CEP128: variants seen among roughly 807,000 people sequenced by gnomAD.
CEP128 encodes the protein centrosomal protein 128.
CEP128 carries 132 observed loss-of-function variants against 156.7 expected under a neutral mutation model. The observed-to-expected ratio is 0.84, with a 90% CI of 0.73 to 0.97. CEP128 has a LOEUF of 0.97. CEP128 is among the 50% of genes least tolerant of loss of function. CEP128 has a pLI of 0.00. For synonymous variants in CEP128, 469 were observed against 448.9 expected (o/e 1.04, Z -0.57); for missense variants, 1,252 against 1,281.9 (o/e 0.98, Z 0.36).
intron 20 of CEP128, among the ~76,000 whole-genome samples, chr14:80,576,414 C>A (rs560669887): frequency 1.3e-5 from 2 of 152,258 alleles, no homozygotes; most frequent in South Asian, 4.2e-4. Context: ...GAATGTCACA[C>A]ACACACAAAA....
chr14:80,718,918 T>G (rs1259675673), intron 19 of CEP128, among the ~76,000 whole-genome samples: 1 of 152,218 alleles, frequency 6.6e-6, no homozygotes, highest in African/African-American at 2.4e-5. Flanking sequence ...GACAGTTTTC[T>G]CTTCTTCACA....
intron 19 of CEP128, among the ~76,000 whole-genome samples, chr14:80,623,261 A>AAAAT (rs1322900781): frequency 6.7e-6 from 1 of 149,528 alleles, no homozygotes; most frequent in Non-Finnish European, 1.5e-5. Context: ...TTGAACAATG[A>AAAAT]GAACACATGG....
At chr14:80,829,948 T>G (rs1490888755) in intron 13 of CEP128, among the ~76,000 whole-genome samples, 1 of 152,090 alleles carries the variant, frequency 6.6e-6, no homozygotes, top group Non-Finnish European at 1.5e-5. Flanking sequence ...AGAAACAATG[T>G]GAAGGAAGGA....
chr14:80,488,953 G>T (rs1887234493), downstream of CEP128, among the ~76,000 whole-genome samples: 1 of 144,386 alleles, frequency 6.9e-6, no homozygotes, highest in Non-Finnish European at 1.5e-5. Flanking sequence ...ATGGACACAG[G>T]AAGGGGAACA....
intron 19 of CEP128, among the ~76,000 whole-genome samples, chr14:80,642,175 C>T (rs1475153568): frequency 6.6e-6 from 1 of 151,544 alleles, no homozygotes; most frequent in East Asian, 1.9e-4. Flanking sequence ...GACATTTCAG[C>T]AGTAGTTACA....
At chr14:80,688,820 A>T (rs1444859232) in intron 19 of CEP128, among the ~76,000 whole-genome samples, 2 of 152,216 alleles carry the variant, frequency 1.3e-5, no homozygotes, top group African/African-American at 4.8e-5. Flanking sequence ...ATTTATTAGA[A>T]CTATCTGAAA....
chr14:80,733,222 C>T (rs1264149664), intron 19 of CEP128, among the ~76,000 whole-genome samples: 2 of 152,098 alleles, frequency 1.3e-5, no homozygotes, highest in African/African-American at 4.8e-5. Context: ...TATACCATCA[C>T]CTGTCTTGGT....
At chr14:80,699,513 T>C (rs1410387673) in intron 19 of CEP128, among the ~76,000 whole-genome samples, 4 of 152,182 alleles carry the variant, frequency 2.6e-5, no homozygotes, top group Non-Finnish European at 5.9e-5. Flanking sequence ...AACTCTTTTC[T>C]CTAAATTATG....
chr14:80,800,434 T>C (rs1883775295), intron 13 of CEP128, among the ~76,000 whole-genome samples: 2 of 152,282 alleles, frequency 1.3e-5, no homozygotes, highest in Middle Eastern at 3.4e-3. Flanking sequence ...GATCAGGAAA[T>C]TGAGGCACAG....
intron 19 of CEP128, among the ~76,000 whole-genome samples, chr14:80,690,267 T>A (rs909779222): frequency 1.4e-4 from 19 of 131,160 alleles, no homozygotes; most frequent in Admixed American, 2.9e-4. Flanking sequence ...AAAAAAAAAA[T>A]TAGCCGGGCA....
chr14:80,769,190 T>C (rs1266401252), intron 16 of CEP128, among the ~76,000 whole-genome samples: 1 of 151,932 alleles, frequency 6.6e-6, no homozygotes, highest in Non-Finnish European at 1.5e-5. Flanking sequence ...TTGAGAGAAA[T>C]GTTTATAAGG....
intron 2 of CEP128, among the ~76,000 whole-genome samples, chr14:80,930,617 C>T (rs948323173): frequency 6.6e-6 from 1 of 152,200 alleles, no homozygotes; most frequent in African/African-American, 2.4e-5. Flanking sequence ...TCCAAGCCTG[C>T]TTTGTGTATG....
chr14:80,627,604 T>C (rs144221766), intron 19 of CEP128, among the ~76,000 whole-genome samples: 67 of 152,352 alleles, frequency 4.4e-4, no homozygotes, highest in African/African-American at 1.6e-3. Context: ...GCAAGTTATA[T>C]GTTTATTTAG....
chr14:80,628,754 A>C (rs1893838650), intron 19 of CEP128, among the ~76,000 whole-genome samples: 1 of 152,200 alleles, frequency 6.6e-6, no homozygotes, highest in Non-Finnish European at 1.5e-5. Context: ...AAGCAGCAAC[A>C]GCCCTGGACT....
chr14:80,703,996 T>C (rs1897156321), intron 19 of CEP128, among the ~76,000 whole-genome samples: 1 of 152,126 alleles, frequency 6.6e-6, no homozygotes, highest in Non-Finnish European at 1.5e-5. Flanking sequence ...AATAGCATCT[T>C]AATTTAGATT....
intron 13 of CEP128, among the ~76,000 whole-genome samples, chr14:80,825,389 G>A (rs75481778): frequency 0.027 from 4,106 of 152,272 alleles, 72 homozygotes; most frequent in Non-Finnish European, 0.04. Context: ...GATTACAGGC[G>A]TGAGCCATCA....
Position 80,792,852 on chromosome 14 carries a change from T to C in CEP128, c.1468A>G (p.Ile490Val). The C allele has an allele frequency of 1.2e-6, 2 of 1,614,232 alleles. No homozygotes were observed. Among genetic ancestry groups the C allele is most frequent in the Non-Finnish European group, 1.7e-6 (2 of 1,180,034 alleles). ...EDLKLKAQES[I>V]RQWKLKHKKL... The stretch of plus-strand genomic sequence containing the variant: ...TTATGCTTAAGCTTCCACTGCCTAA[T>C]GGATTCTTGAGCTTTCAGTTTCAGG... The change falls in exon 14 of 25, where the codon ATT becomes GTT. Residue 490 changes from isoleucine (I) to valine (V), a missense_variant. Physicochemically the swap from Ile to Val is conservative, Grantham distance 29. Transcript: ENST00000555265.
intron 20 of CEP128, among the ~76,000 whole-genome samples, chr14:80,574,935 T>TA (rs1299008009): frequency 6.6e-6 from 1 of 152,062 alleles, no homozygotes; most frequent in Non-Finnish European, 1.5e-5. Context: ...AGCCAACTGA[T>TA]AGACAACTTA....
At chr14:80,693,771 CGTT>C (rs1896796728) in intron 19 of CEP128, among the ~76,000 whole-genome samples, 2 of 152,206 alleles carry the variant, frequency 1.3e-5, no homozygotes, top group South Asian at 4.1e-4. Flanking sequence ...TTAATAATGA[CGTT>C]GTCTCTTAGC....
Sources: allele counts gnomAD v4.1 joint callset (sites outside exome capture counted in the v4.1 genomes callset), GRCh38; gene constraint gnomAD v4.1.1; transcripts MANE v1.5; gene names NCBI Gene and HGNC (gene_info 2026-07-23, HGNC 2026-07-21).